Variants in ZNF536 observed in about 807,000 individuals in gnomAD.
ZNF536 encodes zinc finger protein 536.
ZNF536 carries 13 observed loss-of-function variants against 84.5 expected under a neutral mutation model. The ratio of observed to expected loss-of-function variants is 0.15; its 90% CI spans 0.10 to 0.24. ZNF536 has a LOEUF of 0.24. Among genes scored for constraint, ZNF536 ranks in the 10% least tolerant of loss-of-function variants. The probability of loss-of-function intolerance (pLI) is 1.00; values close to 1 mark genes in which losing one functional copy is unlikely to be tolerated. For missense variants in ZNF536, 1,536 were observed against 1,747.5 expected (o/e 0.88, Z 2.16); for synonymous variants, 811 against 742.5 (o/e 1.09, Z -1.50).
intron 2 of ZNF536, among the ~76,000 whole-genome samples, chr19:30,312,791 G>A (rs2046549507): frequency 6.6e-6 from 1 of 152,218 alleles, no homozygotes; most frequent in East Asian, 1.9e-4. Context: ...GGGCGGCCTA[G>A]TGGGCTGGGA....
intron 1 of ZNF536, among the ~76,000 whole-genome samples, chr19:30,647,388 C>T (rs191577280): frequency 2.6e-5 from 4 of 152,248 alleles, no homozygotes; most frequent in African/African-American, 4.8e-5. Context: ...ATTTGCTAAC[C>T]GTTCCCCTGT....
intron 1 of ZNF536, among the ~76,000 whole-genome samples, chr19:30,688,194 G>C (rs1391375616): frequency 6.6e-6 from 1 of 152,156 alleles, no homozygotes; most frequent in Non-Finnish European, 1.5e-5. Flanking sequence ...CAAGTGTCTG[G>C]AGAATCAACA....
At chr19:30,287,784 T>G (rs1263209277) in intron 2 of ZNF536, among the ~76,000 whole-genome samples, 1 of 132,282 alleles carries the variant, frequency 7.6e-6, no homozygotes, top group Non-Finnish European at 1.6e-5. Context: ...GTGGATGGGT[T>G]GATGGGTGGA....
chr19:30,370,274 A>G (rs1231304557), upstream of ZNF536, among the ~76,000 whole-genome samples: 1 of 152,134 alleles, frequency 6.6e-6, no homozygotes, highest in East Asian at 1.9e-4. Context: ...TTTCTAACTT[A>G]ATTTATGACT....
chr19:30,346,745 T>C (rs1011135051), intron 2 of ZNF536, among the ~76,000 whole-genome samples: 2 of 152,268 alleles, frequency 1.3e-5, no homozygotes, highest in African/African-American at 2.4e-5. Context: ...CAGTGTACCA[T>C]TGATGAGCAT....
Position 30,422,985 on chromosome 19 carries a change from A to ACATCCATCCATCCATCCATC in ZNF536, c.-2-20570_-2-20551dup, listed in dbSNP as rs548956056. Among the ~76,000 whole-genome samples the ACATCCATCCATCCATCCATC allele has an allele frequency of 3.8e-4, 20 of 52,198 alleles. 3 individuals carry two copies. Among genetic ancestry groups the ACATCCATCCATCCATCCATC allele is most frequent in the African/African-American group, 1.9e-3 (20 of 10,756 alleles). 34.2% of individuals were successfully genotyped at this position (52,198 alleles called of 152,430 possible). A position where few individuals can be genotyped will look rare whatever the true frequency, so the allele number is the denominator to read the frequency against. On this transcript the variant is annotated intron_variant, in intron 1 of 4. Coordinates refer to ENST00000355537, the MANE Select transcript of ZNF536 (RefSeq NM_014717.3). ...TTCAACCATCCATCCATCCAACCAAACATCCATCCATCCATCCATCCATCC... is the reference window on the plus strand; with the variant it reads ...TTCAACCATCCATCCATCCAACCAAACATCCATCCATCCATCCATCCATCCATCCATCCATCCATCCATCC...
At chr19:30,382,276 T>TA (rs1284566275) in intron 1 of ZNF536, among the ~76,000 whole-genome samples, 12 of 152,218 alleles carry the variant, frequency 7.9e-5, no homozygotes, top group African/African-American at 2.9e-4. Context: ...GGACACCTTG[T>TA]AAGTCCTTGT....
At chr19:30,297,763 G>T (rs931096437) in intron 2 of ZNF536, among the ~76,000 whole-genome samples, 6 of 152,186 alleles carry the variant, frequency 3.9e-5, no homozygotes, top group African/African-American at 1.2e-4. Context: ...CAGTGAACCT[G>T]CCTGTATTGT....
intron 2 of ZNF536, among the ~76,000 whole-genome samples, chr19:30,518,137 T>C (rs2044164233): frequency 6.6e-6 from 1 of 152,088 alleles, no homozygotes. Flanking sequence ...AGAAGCCTGA[T>C]CCAGTCAATG....
At chr19:30,323,321 A>G (rs1281935099) in intron 2 of ZNF536, among the ~76,000 whole-genome samples, 1 of 152,066 alleles carries the variant, frequency 6.6e-6, no homozygotes, top group Non-Finnish European at 1.5e-5. Context: ...CCCCACATTG[A>G]CTACCCTTTC....
rs1264467247 is a variant in ZNF536, at chr19:30,500,043, C to A, written c.2171-34804C>A. ...AAGTACTCCCAAGCTCACCTTTATGCCAGCTCTTTTTACCAAAGAGGGTAA... is the reference window on the plus strand; with the variant it reads ...AAGTACTCCCAAGCTCACCTTTATGACAGCTCTTTTTACCAAAGAGGGTAA... On this transcript the variant is annotated intron_variant, in intron 2 of 4. Transcript: ENST00000355537. Among the ~76,000 whole-genome samples, 3 of 152,192 alleles carry A rather than the reference C, an allele frequency of 2.0e-5. 1 individual carries two copies. In the East Asian group the frequency reaches 5.8e-4, roughly 29 times the overall value.
chr19:30,308,537 C>T (rs1277055046), intron 2 of ZNF536, among the ~76,000 whole-genome samples: 1 of 152,100 alleles, frequency 6.6e-6, no homozygotes, highest in Non-Finnish European at 1.5e-5. Flanking sequence ...GGTTTTGTTG[C>T]TCCAGGGCAG....
At chr19:30,566,923 C>T (rs998429691) in intron 1 of ZNF536, among the ~76,000 whole-genome samples, 13 of 151,978 alleles carry the variant, frequency 8.6e-5, no homozygotes, top group African/African-American at 3.1e-4. Flanking sequence ...TGTGGCCTCT[C>T]TGGGCAGTGG....
chr19:30,456,139 G>A (rs2052828373), intron 2 of ZNF536, among the ~76,000 whole-genome samples: 1 of 152,112 alleles, frequency 6.6e-6, no homozygotes, highest in African/African-American at 2.4e-5. Flanking sequence ...GCTGTTGCTT[G>A]CAGATTCCTG....
intron 1 of ZNF536, among the ~76,000 whole-genome samples, chr19:30,413,943 A>C (rs1380357701): frequency 1.3e-5 from 2 of 151,984 alleles, no homozygotes; most frequent in East Asian, 3.9e-4. Flanking sequence ...AATACAAAAA[A>C]TTAGCTAGGC....
intron 2 of ZNF536, among the ~76,000 whole-genome samples, chr19:30,493,355 A>G (rs2054588136): frequency 6.6e-6 from 1 of 152,198 alleles, no homozygotes; most frequent in Non-Finnish European, 1.5e-5. Flanking sequence ...GCCCATGCAG[A>G]GAACGAGGTA....
At chr19:30,642,598 G>C (rs933794360) in intron 1 of ZNF536, among the ~76,000 whole-genome samples, 1 of 152,228 alleles carries the variant, frequency 6.6e-6, no homozygotes, top group Admixed American at 6.5e-5. Flanking sequence ...GCCTCGGGCT[G>C]TCATTACGGA....
chr19:30,401,985 C>T (rs943464136), intron 1 of ZNF536, among the ~76,000 whole-genome samples: 1 of 152,148 alleles, frequency 6.6e-6, no homozygotes, highest in Non-Finnish European at 1.5e-5. Context: ...ATTGGTCCAA[C>T]GAACACTTCT....
Position 30,548,262 on chromosome 19 carries a change from C to T in ZNF536, c.2643C>T (p.Pro881=), listed in dbSNP as rs372992487. 6.2e-7 allele frequency: 1 copy of T among 1,614,238 alleles called. No homozygotes were observed. The highest frequency in any genetic ancestry group is 8.5e-7 in the Non-Finnish European group (1 of 1,180,034). The change falls in exon 4 of 5, where the codon CCC becomes CCT. Residue 881 remains proline, a synonymous_variant. Coordinates refer to ENST00000355537, the MANE Select transcript of ZNF536 (RefSeq NM_014717.3). ...CCACGGGCATGTCTTCGGAGGTCCC[C>T]TCAGATGCTCTGAAAGGCACTGACC... ...GQATGMSSEV[P]SDALKGTDLP... is the part of the protein sequence containing the mutation.
Sources: allele counts gnomAD v4.1 joint callset (sites outside exome capture counted in the v4.1 genomes callset), GRCh38; gene constraint gnomAD v4.1.1; transcripts MANE v1.5; gene names NCBI Gene and HGNC (gene_info 2026-07-23, HGNC 2026-07-21).